Variants in DNAH8 observed in about 807,000 individuals in gnomAD.
DNAH8 encodes the protein dynein axonemal heavy chain 8.
A neutral mutation model predicts 562.1 loss-of-function variants in DNAH8; 382 were observed. The observed-to-expected ratio is 0.68, with a 90% confidence interval of 0.63 to 0.74. DNAH8 has a LOEUF of 0.74. Ranked by LOEUF, DNAH8 falls within the 30% of genes least tolerant of loss-of-function variation. The pLI is 0.00. For missense variants in DNAH8, 5,203 were observed against 5,620.4 expected (o/e 0.93, Z 2.37); for synonymous variants, 1,881 against 1,919.4 (o/e 0.98, Z 0.52).
chr6:38,773,023 G>A (rs1215245616), intron 12 of DNAH8, among the ~76,000 whole-genome samples: 3 of 116,806 alleles, frequency 2.6e-5, no homozygotes, highest in Non-Finnish European at 5.0e-5. Flanking sequence ...TTGCTATGTT[G>A]ATGAGCTGGT....
At chr6:38,839,355 G>GT (rs35153263) in intron 33 of DNAH8, among the ~76,000 whole-genome samples, 26,650 of 142,968 alleles carry the variant, frequency 0.19, 3,324 homozygotes, top group African/African-American at 0.36. Context: ...AAGCTTTGAA[G>GT]TTTTTTTTTT....
intron 82 of DNAH8, among the ~76,000 whole-genome samples, chr6:38,971,093 A>G (rs1275040613): frequency 6.6e-6 from 1 of 152,206 alleles, no homozygotes; most frequent in African/African-American, 2.4e-5. Context: ...AAATGATCAA[A>G]CATACAAAGA....
intron 28 of DNAH8, among the ~76,000 whole-genome samples, chr6:38,824,469 A>G (rs1185141025): frequency 2.0e-5 from 3 of 152,146 alleles, no homozygotes; most frequent in Non-Finnish European, 4.4e-5. Flanking sequence ...GACTTGGTCT[A>G]TGGTTTGGGT....
In DNAH8 at chr6:38,781,323, T is replaced by A; in HGVS notation, c.2209T>A (p.Trp737Arg). Reference protein sequence around the residue: ...NMPPIAGKILWVRQLYRRISE... With the variant: ...NMPPIAGKILRVRQLYRRISE... ...GCCCCCTATAGCAGGAAAAATACTC[T>A]GGGTGAGGCAGCTCTATCGCCGGAT... The change falls in exon 16 of 93, where the codon TGG becomes AGG. Residue 737 changes from tryptophan (W) to arginine (R), a missense_variant. Physicochemically the swap from Trp to Arg is moderately radical, Grantham distance 101 (BLOSUM62 -3). This residue lies in a region of DNAH8 where 2,176 missense variants were observed against 2,365.1 expected (regional missense o/e 0.92). Transcript: ENST00000327475. 3 of 1,613,946 alleles carry A rather than the reference T, an allele frequency of 1.9e-6. No homozygotes were observed. Among genetic ancestry groups the A allele is most frequent in the Non-Finnish European group, 2.5e-6 (3 of 1,179,918 alleles).
intron 87 of DNAH8, among the ~76,000 whole-genome samples, chr6:38,988,532 A>G (rs1014197363): frequency 6.6e-6 from 1 of 152,166 alleles, no homozygotes; most frequent in African/African-American, 2.4e-5. Context: ...CCATGCTCAT[A>G]ACACTATTCT....
At chr6:38,784,181 G>A (rs1157891767) in intron 17 of DNAH8, among the ~76,000 whole-genome samples, 3 of 152,170 alleles carry the variant, frequency 2.0e-5, no homozygotes, top group African/African-American at 7.2e-5. Context: ...TCTGGGTGCT[G>A]TGCTATATGG....
At position 38,951,397 on chromosome 6, in the gene DNAH8, G is replaced by C; in HGVS notation, c.12328G>C (p.Val4110Leu). 1 of 1,614,136 alleles carries C rather than the reference G, an allele frequency of 6.2e-7. No homozygotes were observed. The highest frequency in any genetic ancestry group is 1.1e-5 in the South Asian group (1 of 91,088). The stretch of plus-strand genomic sequence containing the variant: ...TTTGGAGGAGAAGTACACAGAACCA[G>C]TTATCTTAAATCTGGAGAAAACTTG... The part of the protein sequence containing the change: ...DSLEEKYTEP[V>L]ILNLEKTWEE... The change falls in exon 82 of 93, where the codon GTT becomes CTT. Residue 4110 changes from valine to leucine, a missense_variant. Around this residue, in one of 6 missense-constraint regions of DNAH8, gnomAD observed 1,399 missense variants for 1,518.4 expected, o/e 0.92. Transcript: ENST00000327475.
chr6:38,722,907 C>T lies in DNAH8; in HGVS notation c.98C>T (p.Ala33Val), dbSNP rs762962212. ...AAPPRSEEEE[A>V]PRPPTVEAPA... ...CCTCCCCGTTCAGAAGAGGAAGAGGCCCCGCGCCCTCCGACAGTGGAGGCC... is the reference window on the plus strand; with the variant it reads ...CCTCCCCGTTCAGAAGAGGAAGAGGTCCCGCGCCCTCCGACAGTGGAGGCC... The change falls in exon 2 of 93, where the codon GCC becomes GTC. Residue 33 changes from alanine (A) to valine (V), a missense_variant. Coordinates refer to ENST00000327475, the MANE Select transcript of DNAH8 (RefSeq NM_001206927.2). 1.2e-6 allele frequency: 2 copies of T among 1,612,260 alleles called. No individual in the cohort carries two copies. The highest frequency in any genetic ancestry group is 2.2e-5 in the East Asian group (1 of 44,878).
Position 38,872,554 on chromosome 6 carries a change from G to A in DNAH8, c.7009G>A (p.Val2337Ile), listed in dbSNP as rs1419192629. The A allele has an allele frequency of 6.2e-7, 1 of 1,613,988 alleles. No homozygotes were observed. Among genetic ancestry groups the A allele is most frequent in the East Asian group, 2.2e-5 (1 of 44,858 alleles). The change falls in exon 50 of 93, where the codon GTA becomes ATA. Residue 2337 changes from valine to isoleucine, a missense_variant. Transcript: ENST00000327475. ...TGTGTAGTTATATGAGACGTCTTTG[G>A]TACGGCATGGCTTGATGACTCTTGG... ...KLVQLYETSL[V>I]RHGLMTLGPS...
rs1762909226 is a variant in DNAH8 at position 38,723,102 on chromosome 6, C to T, written c.293C>T (p.Ser98Leu). Residue 98 changes from serine to leucine, a missense_variant, in exon 2 of 93, where the codon TCG (serine) becomes TTG (leucine). Physicochemically the swap from Ser to Leu is moderately radical, Grantham distance 145. Transcript: ENST00000327475. ...LAPRPVQSVISEVLSLPSSRR... is the reference protein window; with the variant it reads ...LAPRPVQSVILEVLSLPSSRR... ...CCGCGACCGGTTCAGTCAGTGATTT[C>T]GGAAGTGCTGTCCTTGCCGTCTTCC... 3 of 1,612,892 alleles carry T rather than the reference C, an allele frequency of 1.9e-6. No individual in the cohort carries two copies. The highest frequency in any genetic ancestry group is 1.7e-6 in the Non-Finnish European group (2 of 1,179,892).
At position 38,875,507 on chromosome 6, in the gene DNAH8, C is replaced by T. The variant is rs35696175; in HGVS notation, c.7621-84C>T. 0.43 allele frequency: 346,820 copies of T among 803,600 alleles called. 79,635 individuals are homozygous for T. The highest frequency in any genetic ancestry group is 0.81 in the East Asian group (28,502 of 34,982). 49.8% of individuals were successfully genotyped at this position (803,600 alleles called of 1,614,324 possible). ...TATCTATTTTTCTTCTCTCTTCCTT[C>T]CTCCTTTTAATTTTACTATTATTTA... On this transcript the variant is annotated intron_variant, in intron 52 of 92. Coordinates refer to ENST00000327475, the MANE Select transcript of DNAH8 (RefSeq NM_001206927.2).
Position 38,883,911 on chromosome 6 carries a change from A to G in DNAH8, c.8172A>G (p.Gly2724=), listed in dbSNP as rs532410921. 2 of 1,589,964 alleles carry G rather than the reference A, an allele frequency of 1.3e-6. No homozygotes were observed. Among genetic ancestry groups the G allele is most frequent in the Non-Finnish European group, 1.7e-6 (2 of 1,166,614 alleles). The change falls in exon 56 of 93, where the codon GGA becomes GGG. Residue 2724 remains glycine (G), a synonymous_variant. Transcript: ENST00000327475. Reference sequence around the variant, plus strand: ...AAAGCTACGTGGATAAGCGAATTGGAAGCACATATGGGCCACCAGGAGGGA... The same window carrying G: ...AAAGCTACGTGGATAAGCGAATTGGGAGCACATATGGGCCACCAGGAGGGA... The part of the protein sequence containing the change: ...TIESYVDKRI[G]STYGPPGGRK...
chr6:38,927,571 A>G (rs1236454412), intron 74 of DNAH8, among the ~76,000 whole-genome samples: 1 of 152,184 alleles, frequency 6.6e-6, no homozygotes, highest in Non-Finnish European at 1.5e-5. Flanking sequence ...GTGGTATACC[A>G]GAACACTTCT....
intron 85 of DNAH8, among the ~76,000 whole-genome samples, chr6:38,980,210 TC>T (rs11291035): frequency 0.046 from 7,067 of 152,098 alleles, 545 homozygotes; most frequent in African/African-American, 0.16. Flanking sequence ...CATGATTCTT[TC>T]CCCCAAGGTG....
Position 38,881,049 on chromosome 6 carries a change from C to T in DNAH8, c.7859-1861C>T, listed in dbSNP as rs371243934. 2.5e-4 allele frequency among the ~76,000 whole-genome samples: 38 copies of T among 152,070 alleles called. No individual in the cohort carries two copies. The South Asian group carries it at 4.4e-3, about 17-fold the overall frequency. On this transcript the variant is annotated intron_variant, in intron 53 of 92. Coordinates refer to ENST00000327475, the MANE Select transcript of DNAH8 (RefSeq NM_001206927.2). ...TTCAAAAAAAACAAAAACAAAACCC[C>T]GCACAATGGATATCATCACATAGCC...
intron 30 of DNAH8, among the ~76,000 whole-genome samples, chr6:38,830,634 CAAAAAAA>C (rs56761180): frequency 1.1e-5 from 1 of 90,454 alleles, no homozygotes; most frequent in African/African-American, 4.1e-5. Context: ...GACTCTATCT[CAAAAAAA>C]AAAAAAAAAA....
At chr6:38,755,114 C>T (rs1765793062) in intron 9 of DNAH8, among the ~76,000 whole-genome samples, 3 of 152,000 alleles carry the variant, frequency 2.0e-5, no homozygotes, top group South Asian at 4.1e-4. Context: ...CAGGGAGGAC[C>T]CACTGGTGGC....
At position 38,756,004 on chromosome 6, in the gene DNAH8, T is replaced by C. The variant is rs752962827; in HGVS notation, c.1440T>C (p.Ile480=). ...TGGCACATGGAATACAAAATTTGATTAATGCCATCAGAATGATTCACGGTG... is the reference window on the plus strand; with the variant it reads ...TGGCACATGGAATACAAAATTTGATCAATGCCATCAGAATGATTCACGGTG... ...VSMAHGIQNL[I]NAIRMIHGVS... Residue 480 remains isoleucine (I), a synonymous_variant, in exon 10 of 93, where the codon ATT becomes ATC. Coordinates refer to ENST00000327475, the MANE Select transcript of DNAH8 (RefSeq NM_001206927.2). The C allele has an allele frequency of 1.9e-6, 3 of 1,610,236 alleles. No individual in the cohort carries two copies. The South Asian group carries it at 3.3e-5, about 18-fold the overall frequency.
intron 40 of DNAH8, 95 bp downstream of exon 40, chr6:38,852,893 A>C: frequency 7.3e-6 from 7 of 956,962 alleles, no homozygotes; most frequent in Non-Finnish European, 1.1e-5. Flanking sequence ...ACAGGAGGAG[A>C]GGGAGTTCTC....
Sources: gnomAD v4.1 joint callset for allele counts (sites outside exome capture counted in the v4.1 genomes callset) on GRCh38, gnomAD v4.1.1 for gene constraint, gnomAD v4.1.1 regional missense constraint, MANE v1.5 for transcripts, NCBI Gene and HGNC (gene_info 2026-07-23, HGNC 2026-07-21) for gene names.